Variants in PSMG2 observed in about 807,000 individuals in gnomAD.
The protein encoded by PSMG2 is proteasome assembly chaperone 2.
Under a neutral mutation model 31.5 loss-of-function variants are expected in PSMG2, and 21 were observed. The observed-to-expected ratio is 0.67, with a 90% CI of 0.47 to 0.96. The LOEUF is 0.96. Among genes scored for constraint, PSMG2 ranks in the 40% least tolerant of loss-of-function variants. PSMG2 has a pLI of 0.00. For missense variants in PSMG2, 318 were observed against 321.2 expected, an observed-to-expected ratio of 0.99 and a Z score of 0.08; for synonymous variants, 120 against 110.4, an observed-to-expected ratio of 1.09 and a Z score of -0.54.
chr18:12,717,280 A>G lies in PSMG2; in HGVS notation c.289-1237A>G, dbSNP rs184171535. Among the ~76,000 whole-genome samples, 10 of 152,056 alleles carry G rather than the reference A, an allele frequency of 6.6e-5. No homozygotes were observed. The East Asian group carries it at 1.9e-3, about 29-fold the overall frequency. ...CTGCCTCTCTTAACTGCTGCACTAG[A>G]CTACCTTCTTATTTTAAAAGTTAGC... On this transcript the variant is annotated intron_variant, in intron 3 of 6. Coordinates refer to ENST00000317615, the MANE Select transcript of PSMG2 (RefSeq NM_020232.5).
intron 2 of PSMG2, among the ~76,000 whole-genome samples, chr18:12,709,988 T>G (rs1374323790): frequency 1.4e-5 from 2 of 145,076 alleles, no homozygotes; most frequent in Non-Finnish European, 3.0e-5. Flanking sequence ...TGTCGCCCAG[T>G]CTGGAGTGCG....
At chr18:12,711,335 C>T (rs567872438) in intron 2 of PSMG2, among the ~76,000 whole-genome samples, 57 of 152,192 alleles carry the variant, frequency 3.7e-4, no homozygotes, top group African/African-American at 1.2e-3. Context: ...GAAGTGGTAG[C>T]TTACATTTTA....
intron 1 of PSMG2, among the ~76,000 whole-genome samples, chr18:12,695,852 CCACACACACACA>C (rs375916938): frequency 6.7e-5 from 10 of 148,284 alleles, no homozygotes; most frequent in South Asian, 2.1e-4. Flanking sequence ...CATTCCTTCT[CCACACACACACA>C]CACACACACA....
At chr18:12,710,133 G>A (rs532606879) in intron 2 of PSMG2, among the ~76,000 whole-genome samples, 48 of 151,542 alleles carry the variant, frequency 3.2e-4, no homozygotes, top group African/African-American at 9.9e-4. Flanking sequence ...TTAGTAAGAC[G>A]GGGTTTCACT....
intron 3 of PSMG2, among the ~76,000 whole-genome samples, chr18:12,717,052 T>TG (rs769784689): frequency 1.7e-4 from 25 of 149,286 alleles, no homozygotes; most frequent in Non-Finnish European, 2.7e-4. Flanking sequence ...GAGGCTCAAA[T>TG]GATCCTCCCA....
At chr18:12,687,299 T>C (rs2039572299) in intron 1 of PSMG2, among the ~76,000 whole-genome samples, 1 of 152,068 alleles carries the variant, frequency 6.6e-6, no homozygotes, top group Admixed American at 6.6e-5. Context: ...AACCAGAACA[T>C]CTTTTTCCAA....
At chr18:12,704,299 T>G (rs2040237967) in intron 1 of PSMG2, among the ~76,000 whole-genome samples, 2 of 152,120 alleles carry the variant, frequency 1.3e-5, no homozygotes, top group South Asian at 4.1e-4. Context: ...CAGTCATTAA[T>G]TCAGAGACAG....
chr18:12,660,965 A>G (rs1020257095), intron 1 of PSMG2, among the ~76,000 whole-genome samples: 4 of 152,126 alleles, frequency 2.6e-5, no homozygotes, highest in Non-Finnish European at 1.5e-5. Flanking sequence ...TTTTTTGTAT[A>G]AAGACTATAA....
intron 1 of PSMG2, chr18:12,679,125 C>T (rs983124930): frequency 1.2e-4 from 18 of 151,490 alleles, no homozygotes; most frequent in Admixed American, 7.2e-4. Flanking sequence ...CATTTAAAGA[C>T]AAGATGAAGG....
intron 1 of PSMG2, among the ~76,000 whole-genome samples, chr18:12,659,539 G>A (rs2038651798): frequency 6.6e-6 from 1 of 152,010 alleles, no homozygotes; most frequent in Admixed American, 6.6e-5. Context: ...GTGTGGTGAC[G>A]CACGCTTGTA....
chr18:12,686,315 C>T lies in PSMG2; in HGVS notation c.-36-20235C>T, dbSNP rs768163736. ...GTGCACCACTGCTCCTGTTTACCTC[C>T]TCCTCCAATAACAGGGGCTCGTTCA... is the stretch of plus-strand genomic sequence containing the variant. On this transcript the variant is annotated intron_variant, in intron 1 of 6. Coordinates refer to the PSMG2 transcript ENST00000585331. 4 of 1,613,998 alleles carry T rather than the reference C, an allele frequency of 2.5e-6. No individual in the cohort carries two copies. In the East Asian group the frequency reaches 6.7e-5, roughly 27 times the overall value.
intron 1 of PSMG2, chr18:12,685,270 G>A (rs2039502223): frequency 6.6e-6 from 1 of 152,098 alleles, no homozygotes; most frequent in South Asian, 2.1e-4. Flanking sequence ...AAAGTGCTGG[G>A]ATTACAGGCA....
chr18:12,686,402 G>T, intron 1 of PSMG2: 1 of 1,613,998 alleles, frequency 6.2e-7, no homozygotes, highest in Non-Finnish European at 8.5e-7. Context: ...CGTCCAGCTC[G>T]AAGTGGTTTA....
chr18:12,700,187 G>A (rs1243380791), upstream of PSMG2: 1 of 216,398 alleles, frequency 4.6e-6, no homozygotes, highest in East Asian at 9.3e-5. Context: ...CTTCAACAAG[G>A]TTAAACTTTC....
chr18:12,691,599 T>C, intron 1 of PSMG2: 1 of 711,558 alleles, frequency 1.4e-6, no homozygotes, highest in Non-Finnish European at 2.2e-6. Context: ...ATCTGAGTCA[T>C]CATCATCTTC....
chr18:12,725,712 T>C lies in PSMG2; in HGVS notation c.*181T>C, dbSNP rs574111198. The C allele has an allele frequency of 3.9e-5, 17 of 435,332 alleles. No individual in the cohort carries two copies. Among genetic ancestry groups the C allele is most frequent in the African/African-American group, 2.9e-4 (14 of 49,032 alleles). The allele number at this position is 435,332 out of a possible 1,614,324, so 27.0% of individuals were successfully genotyped here. ...CATCATATGCACCAAATGTAAATTTTGTACAATAAAATTTTATTTCCTAAG... is the reference window on the plus strand; with the variant it reads ...CATCATATGCACCAAATGTAAATTTCGTACAATAAAATTTTATTTCCTAAG... On this transcript the variant is annotated 3_prime_UTR_variant, in exon 7 of 7. Coordinates refer to ENST00000317615, the MANE Select transcript of PSMG2 (RefSeq NM_020232.5).
Position 12,718,552 on chromosome 18 carries a change from CTGGGT to C in PSMG2, c.325_329del (p.Trp109GlufsTer20). On this transcript the variant is annotated frameshift_variant, in exon 4 of 7. Transcript: ENST00000317615. LOFTEE classifies it high-confidence loss of function. The stretch of plus-strand genomic sequence containing the variant: ...AGCCATTCTGTGAAAAACTGCTTTC[CTGGGT>C]GAAAAGCAGTGGCTGTGCCAGAGTC... The C allele has an allele frequency of 1.2e-6, 2 of 1,611,468 alleles. No individual in the cohort carries two copies. The highest frequency in any genetic ancestry group is 1.7e-6 in the Non-Finnish European group (2 of 1,178,474).
At chr18:12,679,154 G>C (rs1221131552) in intron 1 of PSMG2, 1 of 152,052 alleles carries the variant, frequency 6.6e-6, no homozygotes, top group African/African-American at 2.4e-5. Flanking sequence ...AGAACAGCCA[G>C]AGAGGAATAA....
Position 12,725,708 on chromosome 18 carries a change from A to G in PSMG2, c.*177A>G. On this transcript the variant is annotated 3_prime_UTR_variant, in exon 7 of 7. Coordinates refer to ENST00000317615, the MANE Select transcript of PSMG2 (RefSeq NM_020232.5). ...TTTTCATCATATGCACCAAATGTAA[A>G]TTTTGTACAATAAAATTTTATTTCC... 1 of 434,626 alleles carries G rather than the reference A, an allele frequency of 2.3e-6. No homozygotes were observed. The highest frequency in any genetic ancestry group is 4.0e-6 in the Non-Finnish European group (1 of 248,956). 26.9% of individuals were successfully genotyped at this position (434,626 alleles called of 1,614,324 possible). A position where few individuals can be genotyped will look rare whatever the true frequency, so the allele number is the denominator to read the frequency against.
Sources: gnomAD v4.1 joint callset for allele counts (sites outside exome capture counted in the v4.1 genomes callset) on GRCh38, gnomAD v4.1.1 for gene constraint, MANE v1.5 for transcripts, NCBI Gene and HGNC (gene_info 2026-07-23, HGNC 2026-07-21) for gene names.